TIAM1: variants seen among roughly 807,000 people sequenced by gnomAD.
The protein encoded by TIAM1 is TIAM Rac1 associated GEF 1.
A neutral mutation model predicts 163.5 loss-of-function variants in TIAM1; 65 were observed. The observed-to-expected ratio is 0.40, with a 90% confidence interval of 0.33 to 0.49. TIAM1 has a LOEUF of 0.49. Ranked by LOEUF, TIAM1 falls within the 20% of genes least tolerant of loss-of-function variation. The pLI is 0.77. For synonymous variants in TIAM1, 833 were observed against 810.1 expected, an observed-to-expected ratio of 1.03 and a Z score of -0.48; for missense variants, 1,789 against 2,044.7, an observed-to-expected ratio of 0.87 and a Z score of 2.41.
intron 2 of TIAM1, among the ~76,000 whole-genome samples, chr21:31,331,726 C>A (rs555976620): frequency 6.6e-6 from 1 of 152,272 alleles, no homozygotes; most frequent in East Asian, 1.9e-4. Flanking sequence ...ACACCCACTG[C>A]CATTTGTGAG....
At chr21:31,284,095 A>G (rs2073690700) in intron 2 of TIAM1, among the ~76,000 whole-genome samples, 1 of 152,208 alleles carries the variant, frequency 6.6e-6, no homozygotes, top group African/African-American at 2.4e-5. Context: ...TTGCTATTTC[A>G]CCACACTGTG....
chr21:31,312,140 C>T (rs1015458915), intron 2 of TIAM1, among the ~76,000 whole-genome samples: 4 of 152,234 alleles, frequency 2.6e-5, no homozygotes, highest in African/African-American at 9.6e-5. Context: ...AACTGGCTTC[C>T]TGGCTCCTCA....
chr21:31,129,343 C>T (rs1165097913), intron 25 of TIAM1, among the ~76,000 whole-genome samples: 2 of 152,200 alleles, frequency 1.3e-5, no homozygotes, highest in South Asian at 4.1e-4. Flanking sequence ...CTTATAGCTA[C>T]CCAACAACTC....
chr21:31,217,776 T>C, intron 8 of TIAM1, 77 bp from the exon 9 acceptor site: 1 of 1,529,024 alleles, frequency 6.5e-7, no homozygotes, highest in Non-Finnish European at 8.8e-7. Flanking sequence ...TCCCCGTAAG[T>C]CCCACCCTTC....
intron 2 of TIAM1, among the ~76,000 whole-genome samples, chr21:31,410,868 C>T (rs911146937): frequency 2.6e-5 from 4 of 152,162 alleles, no homozygotes; most frequent in Middle Eastern, 3.4e-3. Context: ...CTGTGTCTGA[C>T]GGCAACTAAA....
chr21:31,475,939 G>A (rs1318605202), intron 1 of TIAM1, among the ~76,000 whole-genome samples: 1 of 152,204 alleles, frequency 6.6e-6, no homozygotes, highest in African/African-American at 2.4e-5. Context: ...AAAGAGTGTA[G>A]ATAAATGTCA....
chr21:31,468,237 A>AG (rs2045601957), intron 1 of TIAM1, among the ~76,000 whole-genome samples: 1 of 152,070 alleles, frequency 6.6e-6, no homozygotes, highest in Non-Finnish European at 1.5e-5. Context: ...GTACTTTGGG[A>AG]GGCCAAGGCA....
At chr21:31,289,540 G>C (rs2073934736) in intron 2 of TIAM1, among the ~76,000 whole-genome samples, 1 of 152,150 alleles carries the variant, frequency 6.6e-6, no homozygotes, top group Admixed American at 6.5e-5. Flanking sequence ...AGTGACCTAA[G>C]CTCATTTAAA....
At chr21:31,365,387 C>CTT (rs772457613) in intron 2 of TIAM1, among the ~76,000 whole-genome samples, 9,592 of 128,686 alleles carry the variant, frequency 0.075, 729 homozygotes, top group East Asian at 0.39. Context: ...TTATTTCTTT[C>CTT]TTTTTTTTTT....
At chr21:31,379,911 T>G (rs2076749524) in intron 2 of TIAM1, among the ~76,000 whole-genome samples, 3 of 151,958 alleles carry the variant, frequency 2.0e-5, no homozygotes, top group African/African-American at 4.8e-5. Context: ...GGGTACAGAG[T>G]TTCTTCTGTC....
At chr21:31,214,818 C>A (rs1454909136) in intron 9 of TIAM1, among the ~76,000 whole-genome samples, 3 of 152,036 alleles carry the variant, frequency 2.0e-5, no homozygotes, top group Non-Finnish European at 4.4e-5. Context: ...GTAGAGAAAG[C>A]ATGTTGCTAT....
chr21:31,156,641 T>C (rs1242439801), intron 16 of TIAM1, among the ~76,000 whole-genome samples: 1 of 152,232 alleles, frequency 6.6e-6, no homozygotes, highest in Non-Finnish European at 1.5e-5. Flanking sequence ...ACATCCATTT[T>C]AGCAAAAAAT....
chr21:31,411,224 TTAAAA>T (rs776524974), intron 2 of TIAM1, among the ~76,000 whole-genome samples: 5 of 152,156 alleles, frequency 3.3e-5, no homozygotes, highest in Non-Finnish European at 5.9e-5. Context: ...TGCCTTGAAC[TTAAAA>T]TAATAATAAT....
At position 31,266,930 on chromosome 21, in the gene TIAM1, C is replaced by T. The variant is rs747735135; in HGVS notation, c.43G>A (p.Gly15Arg). Reference sequence around the variant, plus strand: ...CGCCCCAGGCTGGCATGCTTTTCTCCATAAAACTCGTGCTCTACATGTTGA... The same window carrying T: ...CGCCCCAGGCTGGCATGCTTTTCTCTATAAAACTCGTGCTCTACATGTTGA... ...ESQHVEHEFY[G>R]EKHASLGRKH... is the part of the protein sequence containing the mutation. Residue 15 changes from glycine (G) to arginine (R), a missense_variant, in exon 4 of 28, where the codon GGA (glycine) becomes AGA (arginine). Transcript: ENST00000541036. The T allele has an allele frequency of 6.2e-6, 10 of 1,610,854 alleles. No homozygotes were observed. Among genetic ancestry groups the T allele is most frequent in the Non-Finnish European group, 6.8e-6 (8 of 1,177,586 alleles).
rs529474469 is a variant in TIAM1 at position 31,423,805 on chromosome 21, C to T, written c.-369+40178G>A. ...ATTTTATGATCCCATTTATATGAAA[C>T]GTCCGGAATAGGCAAGGCCACAGAG... is the stretch of plus-strand genomic sequence containing the variant. On this transcript the variant is annotated intron_variant, in intron 2 of 28. Transcript: ENST00000286827. Among the ~76,000 whole-genome samples, 12 of 119,514 alleles carry T rather than the reference C, an allele frequency of 1.0e-4. 1 individual carries two copies. The highest frequency in any genetic ancestry group is 3.9e-4 in the African/African-American group (12 of 30,942). The allele number at this position is 119,514 out of a possible 152,430, so 78.4% of individuals were successfully genotyped here.
At chr21:31,516,590 G>A (rs2047390194) in intron 1 of TIAM1, among the ~76,000 whole-genome samples, 2 of 150,924 alleles carry the variant, frequency 1.3e-5, no homozygotes, top group Admixed American at 6.6e-5. Context: ...ACGTCCTCTT[G>A]CCTCATTAGA....
At chr21:31,387,084 C>A (rs1381704615) in intron 2 of TIAM1, among the ~76,000 whole-genome samples, 3 of 152,068 alleles carry the variant, frequency 2.0e-5, no homozygotes, top group Admixed American at 6.5e-5. Context: ...CACCCTGGGC[C>A]CCCCAGGTGG....
At chr21:31,362,498 G>A (rs904625504) in intron 2 of TIAM1, among the ~76,000 whole-genome samples, 5 of 148,668 alleles carry the variant, frequency 3.4e-5, no homozygotes, top group African/African-American at 1.2e-4. Flanking sequence ...AAAAGGTCTC[G>A]CTTTGTCACC....
At chr21:31,255,962 CA>C (rs1189617813) in intron 4 of TIAM1, among the ~76,000 whole-genome samples, 6 of 152,130 alleles carry the variant, frequency 3.9e-5, no homozygotes, top group African/African-American at 1.2e-4. Flanking sequence ...GCAGCTTCCC[CA>C]AAAAATGAAT....
Sources: allele counts gnomAD v4.1 joint callset (sites outside exome capture counted in the v4.1 genomes callset), GRCh38; gene constraint gnomAD v4.1.1; transcripts MANE v1.5; gene names NCBI Gene and HGNC (gene_info 2026-07-23, HGNC 2026-07-21).